PLCB1: variants seen among roughly 807,000 people sequenced by gnomAD.
PLCB1 encodes 1-phosphatidylinositol 4,5-bisphosphate phosphodiesterase beta-1.
Under a neutral mutation model 161.8 loss-of-function variants are expected in PLCB1, and 46 were observed. The ratio of observed to expected loss-of-function variants is 0.28; its 90% CI spans 0.22 to 0.36. The LOEUF is 0.36. Among genes scored for constraint, PLCB1 ranks in the 10% least tolerant of loss-of-function variants. The pLI, the probability that PLCB1 is intolerant of heterozygous loss-of-function variation, is 1.00. For synonymous variants in PLCB1, 517 were observed against 503.7 expected, an observed-to-expected ratio of 1.03 and a Z score of -0.35; for missense variants, 1,016 against 1,472.5, an observed-to-expected ratio of 0.69 and a Z score of 5.07.
intron 3 of PLCB1, among the ~76,000 whole-genome samples, chr20:8,454,811 T>C (rs77774845): frequency 0.027 from 4,185 of 152,244 alleles, 183 homozygotes; most frequent in African/African-American, 0.096. Flanking sequence ...TTCTCTATAG[T>C]ATTTATCCCC....
intron 2 of PLCB1, among the ~76,000 whole-genome samples, chr20:8,255,089 A>G (rs1482611909): frequency 6.6e-6 from 1 of 152,094 alleles, no homozygotes; most frequent in East Asian, 1.9e-4. Flanking sequence ...CTTTATCATC[A>G]AAACATTTTC....
intron 2 of PLCB1, among the ~76,000 whole-genome samples, chr20:8,228,960 A>T (rs78066405): frequency 1.5e-3 from 232 of 152,160 alleles, no homozygotes; most frequent in Middle Eastern, 6.8e-3. Context: ...CAGTCATCCT[A>T]CATTGCTGTC....
In PLCB1 at chr20:8,676,434, G is replaced by GAAAGAAAGAAAGAAAGAAAGAA. The variant is rs1555782393; in HGVS notation, c.863-8497_863-8496insAAGAAAGAAAGAAAGAAAGAAA. ...GAAAGAGAAGAAAGAAAGAAAGAAA[G>GAAAGAAAGAAAGAAAGAAAGAA]AGAGAAAGAGTACCATTTTGAAAGC... On this transcript the variant is annotated intron_variant, in intron 9 of 31. Coordinates refer to ENST00000338037, the MANE Select transcript of PLCB1 (RefSeq NM_015192.4). 6.4e-3 allele frequency among the ~76,000 whole-genome samples: 968 copies of GAAAGAAAGAAAGAAAGAAAGAA among 151,564 alleles called. 14 individuals carry two copies. The highest frequency in any genetic ancestry group is 0.02 in the African/African-American group (842 of 41,350).
At chr20:8,365,647 T>C (rs1986684387) in intron 2 of PLCB1, among the ~76,000 whole-genome samples, 1 of 152,226 alleles carries the variant, frequency 6.6e-6, no homozygotes, top group African/African-American at 2.4e-5. Flanking sequence ...AAAATCATTT[T>C]TTTAAAAAAA....
intron 2 of PLCB1, among the ~76,000 whole-genome samples, chr20:8,159,988 C>CAAAAAAA (rs375028388): frequency 1.8e-4 from 14 of 79,308 alleles, no homozygotes; most frequent in African/African-American, 6.1e-4. Context: ...AACTCCATCT[C>CAAAAAAA]AAAAAAAAAA....
chr20:8,571,701 A>G (rs1310994866), intron 3 of PLCB1, among the ~76,000 whole-genome samples: 1 of 152,200 alleles, frequency 6.6e-6, no homozygotes, highest in Non-Finnish European at 1.5e-5. Flanking sequence ...GTCATGGAAT[A>G]AAGGCTAACT....
intron 1 of PLCB1, among the ~76,000 whole-genome samples, chr20:8,139,512 T>A (rs960619453): frequency 6.6e-6 from 1 of 152,192 alleles, no homozygotes; most frequent in African/African-American, 2.4e-5. Context: ...AACATTTACC[T>A]GAAGTAGTCA....
intron 2 of PLCB1, among the ~76,000 whole-genome samples, chr20:8,215,903 G>A (rs1412568929): frequency 1.3e-5 from 2 of 151,870 alleles, no homozygotes; most frequent in African/African-American, 2.4e-5. Context: ...TACACACATC[G>A]TAAGAGAGAA....
intron 25 of PLCB1, among the ~76,000 whole-genome samples, chr20:8,763,872 TA>T (rs913516588): frequency 1.3e-5 from 2 of 150,946 alleles, no homozygotes; most frequent in East Asian, 4.0e-4. Context: ...CAGCATGGGA[TA>T]AAAAAATCAG....
chr20:8,657,314 T>C (rs1310995731), intron 8 of PLCB1, 30 bp downstream of exon 8: 1 of 1,331,108 alleles, frequency 7.5e-7, no homozygotes, highest in East Asian at 2.3e-5. Flanking sequence ...GCCATATCTT[T>C]TTCAGCTTGC....
At chr20:8,287,443 G>A (rs1169162111) in intron 2 of PLCB1, among the ~76,000 whole-genome samples, 1 of 152,128 alleles carries the variant, frequency 6.6e-6, no homozygotes, top group Non-Finnish European at 1.5e-5. Flanking sequence ...ACCTCATCTT[G>A]TCCCCAGGAG....
Position 8,433,744 on chromosome 20 carries a change from C to CCTCCTT in PLCB1, c.246+62294_246+62295insCTCCTT, listed in dbSNP as rs1309824285. 7.1e-4 allele frequency among the ~76,000 whole-genome samples: 83 copies of CCTCCTT among 116,678 alleles called. 4 individuals are homozygous for CCTCCTT. Among genetic ancestry groups the CCTCCTT allele is most frequent in the African/African-American group, 2.9e-3 (82 of 27,956 alleles). The allele number at this position is 116,678 out of a possible 152,430, so 76.5% of individuals were successfully genotyped here. A position where few individuals can be genotyped will look rare whatever the true frequency, so the allele number is the denominator to read the frequency against. On this transcript the variant is annotated intron_variant, in intron 3 of 31. Transcript: ENST00000338037. ...TCCTCATCCTCCTCCTCCTCCTCCT[C>CCTCCTT]ATGGACAATTGGTTTCATCCATCTG...
chr20:8,429,487 A>G (rs1979940393), intron 3 of PLCB1, among the ~76,000 whole-genome samples: 1 of 150,284 alleles, frequency 6.7e-6, no homozygotes, highest in South Asian at 2.1e-4. Flanking sequence ...TTTAAAAAAA[A>G]GATGAAGGAA....
chr20:8,482,621 C>T (rs1982553651), intron 3 of PLCB1, among the ~76,000 whole-genome samples: 1 of 151,932 alleles, frequency 6.6e-6, no homozygotes, highest in Admixed American at 6.6e-5. Context: ...CCAAAGAGTC[C>T]CAATTATGGG....
chr20:8,724,825 C>A, intron 16 of PLCB1, 73 bp downstream of exon 16: 2 of 816,952 alleles, frequency 2.4e-6, no homozygotes, highest in South Asian at 1.5e-5. Context: ...GTAATGGGAC[C>A]AAAGAATGTT....
intron 10 of PLCB1, among the ~76,000 whole-genome samples, chr20:8,692,602 C>T (rs1048743632): frequency 6.6e-6 from 1 of 152,098 alleles, no homozygotes; most frequent in Non-Finnish European, 1.5e-5. Flanking sequence ...GCAGTGTATT[C>T]CCTCACACAG....
chr20:8,694,035 T>G (rs1014528958), intron 10 of PLCB1, among the ~76,000 whole-genome samples: 2 of 152,224 alleles, frequency 1.3e-5, no homozygotes, highest in Admixed American at 1.3e-4. Context: ...AATCTCAACC[T>G]TCAGCGATCC....
intron 31 of PLCB1, among the ~76,000 whole-genome samples, chr20:8,865,373 A>T (rs1395466154): frequency 6.6e-6 from 1 of 152,240 alleles, no homozygotes; most frequent in African/African-American, 2.4e-5. Flanking sequence ...TGGCATAAAC[A>T]TTGGCTAATA....
At chr20:8,244,990 G>A (rs1182106900) in intron 2 of PLCB1, among the ~76,000 whole-genome samples, 1 of 151,080 alleles carries the variant, frequency 6.6e-6, no homozygotes, top group African/African-American at 2.4e-5. Context: ...TGGAGGGGGG[G>A]ATGTATGACA....
Sources: allele counts gnomAD v4.1 joint callset (sites outside exome capture counted in the v4.1 genomes callset), GRCh38; gene constraint gnomAD v4.1.1; transcripts MANE v1.5; gene names NCBI Gene and HGNC (gene_info 2026-07-23, HGNC 2026-07-21).